PLCZ1: variants seen among roughly 807,000 people sequenced by gnomAD.
PLCZ1 encodes the protein 1-phosphatidylinositol 4,5-bisphosphate phosphodiesterase zeta-1.
A neutral mutation model predicts 76.8 loss-of-function variants in PLCZ1; 64 were observed. That is an observed-to-expected ratio of 0.83 (90% confidence interval 0.68 to 1.03). PLCZ1 has a LOEUF of 1.03. Among genes scored for constraint, PLCZ1 ranks in the 50% least tolerant of loss-of-function variants. The probability of loss-of-function intolerance (pLI) is 0.00; values close to 1 mark genes in which losing one functional copy is unlikely to be tolerated. For synonymous variants in PLCZ1, 248 were observed against 230.8 expected (o/e 1.07, Z -0.68); for missense variants, 751 against 713.7 (o/e 1.05, Z -0.60).
the PLCZ1 span, among the ~76,000 whole-genome samples, chr12:18,668,189 T>C: frequency 3.3e-5 from 5 of 152,136 alleles, no homozygotes; most frequent in Non-Finnish European, 7.3e-5. Flanking sequence ...AAAAGTCCAG[T>C]CATACTTTCA....
At chr12:18,711,202 C>T (rs1022456586) in intron 6 of PLCZ1, among the ~76,000 whole-genome samples, 1 of 151,494 alleles carries the variant, frequency 6.6e-6, no homozygotes, top group African/African-American at 2.4e-5. Context: ...TACTATGCAA[C>T]CATAAAAAAT....
chr12:18,707,914 G>A (rs537039841), intron 6 of PLCZ1, among the ~76,000 whole-genome samples: 6 of 152,228 alleles, frequency 3.9e-5, no homozygotes, highest in South Asian at 2.1e-4. Context: ...ACAACATGAT[G>A]TTATGGAACA....
At position 18,699,787 on chromosome 12, in the gene PLCZ1, A is replaced by G. The variant is rs1223678526; in HGVS notation, c.1174+7T>C. Reference sequence around the variant, plus strand: ...ACATTTCATCTATTTGAGTCACAAAAATTTACCTCGCAATTTTGAAAGTTT... The same window carrying G: ...ACATTTCATCTATTTGAGTCACAAAGATTTACCTCGCAATTTTGAAAGTTT... On this transcript the variant is annotated splice_region_variant and intron_variant, in intron 10 of 14. Coordinates refer to ENST00000266505, the MANE Select transcript of PLCZ1 (RefSeq NM_033123.4). 1.9e-6 allele frequency: 3 copies of G among 1,612,408 alleles called. No homozygotes were observed. The highest frequency in any genetic ancestry group is 2.7e-5 in the African/African-American group (2 of 74,834).
chr12:18,695,620 C>G (rs1437121449), intron 11 of PLCZ1, among the ~76,000 whole-genome samples: 1 of 152,022 alleles, frequency 6.6e-6, no homozygotes, highest in African/African-American at 2.4e-5. Flanking sequence ...CTCACACCTA[C>G]AGGCCTTGCC....
At chr12:18,658,681 T>A in the PLCZ1 span, among the ~76,000 whole-genome samples, 3 of 152,148 alleles carry the variant, frequency 2.0e-5, no homozygotes, top group Admixed American at 2.0e-4. Flanking sequence ...ATAACCGACC[T>A]GTAACTTTAA....
In PLCZ1 at chr12:18,694,977, C is replaced by T; in HGVS notation, c.1394G>A (p.Arg465Lys). The change falls in exon 12 of 15, where the codon AGA becomes AAA. Residue 465 changes from arginine (R) to lysine (K), a missense_variant. By Grantham distance (26) the Arg-to-Lys change is conservative. Transcript: ENST00000266505. The part of the protein sequence containing the change: ...SGYILKPHFL[R>K]ESKSYFNPSN... ...TGGGTTAAAGTATGATTTACTCTCT[C>T]TTAAGAAATGTGGTTTCAAAATATA... 1 of 1,609,280 alleles carries T rather than the reference C, an allele frequency of 6.2e-7. No individual in the cohort carries two copies. Among genetic ancestry groups the T allele is most frequent in the Non-Finnish European group, 8.5e-7 (1 of 1,176,006 alleles).
chr12:18,655,438 A>C, the PLCZ1 span, among the ~76,000 whole-genome samples: 2 of 152,226 alleles, frequency 1.3e-5, no homozygotes, highest in African/African-American at 4.8e-5. Context: ...AGAAAGAAAC[A>C]AAATCCACGC....
At chr12:18,712,577 A>G (rs545093527) in intron 6 of PLCZ1, among the ~76,000 whole-genome samples, 8 of 152,274 alleles carry the variant, frequency 5.3e-5, no homozygotes, top group Admixed American at 4.6e-4. Flanking sequence ...ACAATAATAA[A>G]TATATTTTAC....
chr12:18,661,434 C>G, the PLCZ1 span, among the ~76,000 whole-genome samples: 2 of 152,050 alleles, frequency 1.3e-5, no homozygotes, highest in South Asian at 4.2e-4. Context: ...CATAAAAAGG[C>G]CTTTTCGTAG....
intron 5 of PLCZ1, among the ~76,000 whole-genome samples, chr12:18,713,346 T>C (rs1957567291): frequency 6.6e-6 from 1 of 152,180 alleles, no homozygotes; most frequent in Non-Finnish European, 1.5e-5. Flanking sequence ...TGGTGGCATT[T>C]ACTGTTCAAT....
At position 18,719,445 on chromosome 12, in the gene PLCZ1, A is replaced by G. The variant is rs376748649; in HGVS notation, c.555T>C (p.Leu185=). 105 of 1,520,240 alleles carry G rather than the reference A, an allele frequency of 6.9e-5. No individual in the cohort carries two copies. The highest frequency in any genetic ancestry group is 8.0e-5 in the Non-Finnish European group (90 of 1,127,780). 94.2% of individuals were successfully genotyped at this position (1,520,240 alleles called of 1,614,324 possible). The part of the protein sequence containing the change: ...VSDQLLGPSD[L]WGYVSALVKG... Reference sequence around the variant, plus strand: ...AAAATAAATACCTTACATATCCCCAAAGGTCACTTGGTCCCAATAATTGAT... The same window carrying G: ...AAAATAAATACCTTACATATCCCCAGAGGTCACTTGGTCCCAATAATTGAT... Residue 185 remains leucine (L), a synonymous_variant, in exon 5 of 15, where the codon CTT becomes CTC. Transcript: ENST00000266505.
the PLCZ1 span, among the ~76,000 whole-genome samples, chr12:18,655,538 G>A: frequency 7.2e-5 from 11 of 152,206 alleles, no homozygotes; most frequent in South Asian, 2.1e-4. Context: ...GCATAGTGAC[G>A]TCATCCTGAA....
At chr12:18,664,891 G>C in the PLCZ1 span, among the ~76,000 whole-genome samples, 2 of 150,934 alleles carry the variant, frequency 1.3e-5, no homozygotes, top group East Asian at 3.9e-4. Flanking sequence ...ATCATTCTCA[G>C]TAAACTATCA....
chr12:18,705,460 T>A, intron 6 of PLCZ1, 145 bp from the exon 7 acceptor site: 1 of 1,007,406 alleles, frequency 9.9e-7, no homozygotes, highest in Non-Finnish European at 1.5e-6. Flanking sequence ...CTGAAAGTAC[T>A]TTTGAGTTTG....
intron 6 of PLCZ1, among the ~76,000 whole-genome samples, chr12:18,707,382 G>A (rs980383393): frequency 6.6e-6 from 1 of 152,198 alleles, no homozygotes; most frequent in East Asian, 1.9e-4. Context: ...CTAAAAGGTG[G>A]ATTCTTCCAT....
intron 14 of PLCZ1, 56 bp downstream of exon 14, chr12:18,684,074 T>C: frequency 1.3e-6 from 2 of 1,575,118 alleles, no homozygotes; most frequent in Non-Finnish European, 8.7e-7. Flanking sequence ...GTGTCTTTGA[T>C]ATACACAAGT....
chr12:18,704,465 A>G (rs927631300), intron 7 of PLCZ1, among the ~76,000 whole-genome samples: 1 of 152,136 alleles, frequency 6.6e-6, no homozygotes, highest in Admixed American at 6.5e-5. Flanking sequence ...AGCTGGGATT[A>G]CAGGTGGATG....
At chr12:18,648,556 C>A in the PLCZ1 span, 1 of 167,736 alleles carries the variant, frequency 6.0e-6, no homozygotes. Flanking sequence ...AAACATAAAT[C>A]CTGAAATTCT....
At chr12:18,650,880 T>C in the PLCZ1 span, among the ~76,000 whole-genome samples, 1 of 151,240 alleles carries the variant, frequency 6.6e-6, no homozygotes, top group Non-Finnish European at 1.5e-5. Flanking sequence ...ACTGCTATCA[T>C]CCTTGGCCTG....
Sources: gnomAD v4.1 joint callset for allele counts (sites outside exome capture counted in the v4.1 genomes callset) on GRCh38, gnomAD v4.1.1 for gene constraint, MANE v1.5 for transcripts, NCBI Gene and HGNC (gene_info 2026-07-23, HGNC 2026-07-21) for gene names.